The following ZNF638 variants were observed in gnomAD, a reference collection of about 807,000 sequenced individuals.
The protein encoded by ZNF638 is CTCL tumor antigen se33-1.
Under a neutral mutation model 195.6 loss-of-function variants are expected in ZNF638, and 46 were observed. That is an observed-to-expected ratio of 0.24 (90% confidence interval 0.19 to 0.30). ZNF638 has a LOEUF of 0.30. Among genes scored for constraint, ZNF638 ranks in the 10% least tolerant of loss-of-function variants. The pLI, the probability that ZNF638 is intolerant of heterozygous loss-of-function variation, is 1.00. For synonymous variants in ZNF638, 845 were observed against 772.0 expected, an observed-to-expected ratio of 1.09 and a Z score of -1.57; for missense variants, 2,440 against 2,325.3, an observed-to-expected ratio of 1.05 and a Z score of -1.01.
At chr2:71,377,341 G>A (rs2079449439) in intron 8 of ZNF638, among the ~76,000 whole-genome samples, 2 of 151,954 alleles carry the variant, frequency 1.3e-5, no homozygotes, top group African/African-American at 4.8e-5. Context: ...TTTCAACCTT[G>A]TGCAAAAAAA....
chr2:71,424,832 A>G (rs1344176259), intron 23 of ZNF638, 117 bp downstream of exon 23: 2 of 749,414 alleles, frequency 2.7e-6, no homozygotes, highest in Non-Finnish European at 4.3e-6. Flanking sequence ...AGAGCAAGGG[A>G]TAGGAATGAG....
chr2:71,377,420 C>T (rs2079451261), intron 8 of ZNF638, among the ~76,000 whole-genome samples: 1 of 152,114 alleles, frequency 6.6e-6, no homozygotes, highest in Admixed American at 6.5e-5. Context: ...AAAACTGGAG[C>T]AAGTAGTCAA....
intron 27 of ZNF638, 37 bp downstream of exon 27, chr2:71,433,320 G>C: frequency 7.0e-7 from 1 of 1,428,042 alleles, no homozygotes. Flanking sequence ...TTGAGGTGTT[G>C]TTATTGTCTT....
intron 19 of ZNF638, 180 bp from the exon 20 acceptor site, chr2:71,407,942 C>T (rs1286612973): frequency 2.0e-6 from 1 of 506,606 alleles, no homozygotes; most frequent in Non-Finnish European, 3.4e-6. Flanking sequence ...AGTTGGGTTG[C>T]TTCTCCCTTT....
chr2:71,420,552 C>T (rs1335790013), intron 21 of ZNF638, among the ~76,000 whole-genome samples: 1 of 152,078 alleles, frequency 6.6e-6, no homozygotes, highest in African/African-American at 2.4e-5. Flanking sequence ...TTCTAATGCC[C>T]AGCTTTTATT....
intron 8 of ZNF638, among the ~76,000 whole-genome samples, chr2:71,371,942 G>C (rs540962879): frequency 2.5e-4 from 38 of 152,152 alleles, no homozygotes; most frequent in African/African-American, 8.9e-4. Flanking sequence ...TACAGCATTT[G>C]CCTGTGTTTG....
chr2:71,400,999 A>T (rs1195140196), intron 15 of ZNF638, among the ~76,000 whole-genome samples: 1 of 152,218 alleles, frequency 6.6e-6, no homozygotes, highest in Non-Finnish European at 1.5e-5. Flanking sequence ...TATTATTAAT[A>T]CATTACAATC....
intron 7 of ZNF638, 149 bp from the exon 8 acceptor site, chr2:71,369,734 C>T (rs1384945335): frequency 4.4e-6 from 3 of 679,174 alleles, no homozygotes; most frequent in Non-Finnish European, 7.0e-6. Flanking sequence ...TCAAATTATA[C>T]TTGACCAAAA....
At chr2:71,342,517 T>C (rs976490319) in intron 1 of ZNF638, among the ~76,000 whole-genome samples, 5 of 152,178 alleles carry the variant, frequency 3.3e-5, no homozygotes, top group African/African-American at 1.2e-4. Context: ...TTTTTGCCAG[T>C]GCATCTGTGA....
intron 10 of ZNF638, among the ~76,000 whole-genome samples, chr2:71,392,465 T>A (rs1184570838): frequency 6.7e-6 from 1 of 149,222 alleles, no homozygotes; most frequent in South Asian, 2.1e-4. Flanking sequence ...GTGACTCTGT[T>A]TGTTTGTTGC....
intron 8 of ZNF638, among the ~76,000 whole-genome samples, chr2:71,373,145 T>G (rs1299823462): frequency 6.6e-6 from 1 of 152,220 alleles, no homozygotes; most frequent in Non-Finnish European, 1.5e-5. Context: ...CAACAACATC[T>G]TAATTTCTTC....
chr2:71,373,436 A>G (rs925240825), intron 8 of ZNF638, among the ~76,000 whole-genome samples: 1 of 102,752 alleles, frequency 9.7e-6, no homozygotes, highest in African/African-American at 3.7e-5. Context: ...ATCAAGTTTG[A>G]ATTTTTTTTT....
chr2:71,383,010 C>T (rs541152556), intron 10 of ZNF638, among the ~76,000 whole-genome samples: 92 of 152,272 alleles, frequency 6.0e-4, no homozygotes, highest in African/African-American at 2.1e-3. Flanking sequence ...TTTAATCTTT[C>T]AAACCGTTCT....
At chr2:71,397,693 G>A (rs2079922936) in intron 11 of ZNF638, among the ~76,000 whole-genome samples, 1 of 152,134 alleles carries the variant, frequency 6.6e-6, no homozygotes, top group Admixed American at 6.5e-5. Context: ...ATTCTCGCTA[G>A]TTGTTATGAA....
chr2:71,342,487 G>T (rs1372632117), intron 1 of ZNF638, among the ~76,000 whole-genome samples: 1 of 152,070 alleles, frequency 6.6e-6, no homozygotes, highest in Non-Finnish European at 1.5e-5. Context: ...TTAAGCACTT[G>T]AGCCTGTAAC....
At position 71,380,263 on chromosome 2, in the gene ZNF638, A is replaced by G; in HGVS notation, c.2307A>G (p.Val769=). The part of the protein sequence containing the change: ...VKKKTLESKK[V]SASTLKRDAD... ...AAAAGACTTTAGAGTCAAAGAAAGT[A>G]TCTGCATCTACCTTAAAGTAAGTGA... Residue 769 remains valine (V), a synonymous_variant, in exon 9 of 28, where the codon GTA becomes GTG. Coordinates refer to ENST00000264447, the MANE Select transcript of ZNF638 (RefSeq NM_014497.5). The G allele has an allele frequency of 6.4e-7, 1 of 1,571,240 alleles. No individual in the cohort carries two copies. The highest frequency in any genetic ancestry group is 2.0e-5 in the Admixed American group (1 of 49,878).
chr2:71,367,343 C>G (rs2079218152), intron 6 of ZNF638, among the ~76,000 whole-genome samples: 1 of 151,196 alleles, frequency 6.6e-6, no homozygotes. Context: ...ACTGCAGCCT[C>G]AAGTTCCTGA....
rs548482309 is a variant in ZNF638 at position 71,337,011 on chromosome 2, T to A, written c.-203+5136T>A. Among the ~76,000 whole-genome samples, 20 of 152,036 alleles carry A rather than the reference T, an allele frequency of 1.3e-4. No individual in the cohort carries two copies. The East Asian group carries it at 3.9e-3, about 29-fold the overall frequency. On this transcript the variant is annotated intron_variant, in intron 1 of 27. Coordinates refer to ENST00000264447, the MANE Select transcript of ZNF638 (RefSeq NM_014497.5). ...GATTATTATGGATTGCATAATAGGC[T>A]GACTAACAGTCAATAGTTAGGAAGT...
intron 20 of ZNF638, among the ~76,000 whole-genome samples, chr2:71,409,095 T>C (rs191617443): frequency 5.9e-4 from 90 of 152,260 alleles, no homozygotes; most frequent in African/African-American, 2.1e-3. Flanking sequence ...TGTACAGAAA[T>C]CCTTATCCCA....
Sources: allele counts gnomAD v4.1 joint callset (sites outside exome capture counted in the v4.1 genomes callset), GRCh38; gene constraint gnomAD v4.1.1; transcripts MANE v1.5; gene names NCBI Gene and HGNC (gene_info 2026-07-23, HGNC 2026-07-21).